CDC14B: variants seen among roughly 807,000 people sequenced by gnomAD.
The protein encoded by CDC14B is cell division cycle 14B, also known as dual specificity protein phosphatase CDC14B.
CDC14B carries 22 observed loss-of-function variants against 64.2 expected under a neutral mutation model. That is an observed-to-expected ratio of 0.34 (90% CI 0.24 to 0.49). CDC14B has a LOEUF of 0.49. Among genes scored for constraint, CDC14B ranks in the 20% least tolerant of loss-of-function variants. CDC14B has a pLI of 0.99. For synonymous variants in CDC14B, 191 were observed against 215.8 expected, an observed-to-expected ratio of 0.89 and a Z score of 1.01; for missense variants, 498 against 629.9, an observed-to-expected ratio of 0.79 and a Z score of 2.24.
intron 5 of CDC14B, among the ~76,000 whole-genome samples, chr9:96,544,883 A>C (rs1164848613): frequency 6.6e-6 from 1 of 152,108 alleles, no homozygotes; most frequent in African/African-American, 2.4e-5. Context: ...AAAGTCTTTA[A>C]CCTAAAAGGC....
chr9:96,568,127 GA>G (rs57854597), intron 1 of CDC14B, among the ~76,000 whole-genome samples: 1 of 152,138 alleles, frequency 6.6e-6, no homozygotes, highest in Non-Finnish European at 1.5e-5. Context: ...GTTTTCTATA[GA>G]AAAGTGTTAC....
At chr9:96,524,489 T>C (rs1426800026) in intron 9 of CDC14B, among the ~76,000 whole-genome samples, 1 of 152,222 alleles carries the variant, frequency 6.6e-6, no homozygotes, top group Non-Finnish European at 1.5e-5. Flanking sequence ...TAATACCCAT[T>C]TTCACTCAGA....
chr9:96,527,268 G>A lies in CDC14B; in HGVS notation c.947-3543C>T, dbSNP rs994407337. On this transcript the variant is annotated intron_variant, in intron 9 of 13. Coordinates refer to ENST00000375241, the MANE Select transcript of CDC14B (RefSeq NM_033331.4). ...CAAAAAATTAGCCGGGCGCGGTGGC[G>A]GGCGCCTGTAGTCCCAGCTACTGGG... is the stretch of plus-strand genomic sequence containing the variant. Among the ~76,000 whole-genome samples the A allele has an allele frequency of 1.1e-4, 16 of 152,116 alleles. 1 individual carries two copies. The East Asian group carries it at 2.7e-3, about 26-fold the overall frequency.
At chr9:96,616,319 C>T (rs938632983) in intron 1 of CDC14B, among the ~76,000 whole-genome samples, 3 of 150,654 alleles carry the variant, frequency 2.0e-5, no homozygotes, top group Non-Finnish European at 4.4e-5. Flanking sequence ...AGCAAGACTC[C>T]GTCTCAAAAA....
intron 1 of CDC14B, chr9:96,618,642 T>C (rs773396545): frequency 1.9e-6 from 1 of 526,316 alleles, no homozygotes; most frequent in Admixed American, 1.9e-5. Flanking sequence ...GGGGGCGCGC[T>C]AGGGGGCAGG....
intron 1 of CDC14B, among the ~76,000 whole-genome samples, chr9:96,614,084 T>G (rs1847480284): frequency 6.6e-6 from 1 of 152,188 alleles, no homozygotes; most frequent in South Asian, 2.1e-4. Context: ...TAAAATTATT[T>G]ACTATTATAA....
intron 12 of CDC14B, among the ~76,000 whole-genome samples, chr9:96,517,725 G>A (rs1280202163): frequency 4.6e-5 from 7 of 150,848 alleles, no homozygotes; most frequent in African/African-American, 1.7e-4. Flanking sequence ...GAGTGCAGTG[G>A]CGTTATCATA....
chr9:96,580,198 C>T (rs947148754), intron 1 of CDC14B, among the ~76,000 whole-genome samples: 2 of 150,628 alleles, frequency 1.3e-5, no homozygotes, highest in Non-Finnish European at 3.0e-5. Context: ...ATACTGATAG[C>T]AATCCTAGGG....
intron 5 of CDC14B, among the ~76,000 whole-genome samples, chr9:96,548,758 G>A (rs754832555): frequency 2.0e-5 from 3 of 150,850 alleles, no homozygotes; most frequent in Admixed American, 6.6e-5. Flanking sequence ...CCAAGATTGC[G>A]CCACTGAACT....
At chr9:96,614,327 G>C (rs1039163097) in intron 1 of CDC14B, among the ~76,000 whole-genome samples, 27 of 151,196 alleles carry the variant, frequency 1.8e-4, no homozygotes, top group African/African-American at 6.6e-4. Context: ...TTGCAGCCTT[G>C]AACTCCCAGG....
chr9:96,527,646 T>C (rs1170079126), intron 9 of CDC14B, among the ~76,000 whole-genome samples: 1 of 151,856 alleles, frequency 6.6e-6, no homozygotes, highest in Non-Finnish European at 1.5e-5. Context: ...GATGGAGTCT[T>C]GCTCTGTCGC....
chr9:96,497,600 G>A (rs943805520), downstream of CDC14B, among the ~76,000 whole-genome samples: 2 of 152,232 alleles, frequency 1.3e-5, no homozygotes, highest in African/African-American at 4.8e-5. Flanking sequence ...GCTCACCAGC[G>A]TCACAACAGC....
chr9:96,579,713 C>T (rs996449744), intron 1 of CDC14B, among the ~76,000 whole-genome samples: 1 of 152,132 alleles, frequency 6.6e-6, no homozygotes, highest in Admixed American at 6.6e-5. Context: ...CAGAAGCCAA[C>T]CCCGCTGGCT....
chr9:96,588,766 AC>A (rs1480300577), intron 1 of CDC14B, among the ~76,000 whole-genome samples: 1 of 152,194 alleles, frequency 6.6e-6, no homozygotes, highest in Non-Finnish European at 1.5e-5. Flanking sequence ...GAGCCATTGC[AC>A]CCAGCCAAAT....
In CDC14B at chr9:96,523,361, T is replaced by C; in HGVS notation, c.1145A>G (p.Glu382Gly). ...DYFRQKLKGQENGQHRAAFSK... is the reference protein window; with the variant it reads ...DYFRQKLKGQGNGQHRAAFSK... The stretch of plus-strand genomic sequence containing the variant: ...GAAGGCTGCTCTGTGTTGTCCATTC[T>C]CCTGCCCCTTTAACTTCTGACGAAA... Residue 382 changes from glutamate to glycine, a missense_variant, in exon 11 of 14, where the codon GAG becomes GGG. Glu to Gly is a moderately conservative substitution (Grantham distance 98). Transcript: ENST00000375241. The C allele has an allele frequency of 6.2e-7, 1 of 1,614,166 alleles. No homozygotes were observed.
chr9:96,495,617 G>T (rs926150430), downstream of CDC14B, among the ~76,000 whole-genome samples: 1 of 152,220 alleles, frequency 6.6e-6, no homozygotes, highest in South Asian at 2.1e-4. Flanking sequence ...GCTGGTGAGA[G>T]GATAGAGCTG....
intron 7 of CDC14B, among the ~76,000 whole-genome samples, chr9:96,536,750 C>T (rs1839328661): frequency 6.6e-6 from 1 of 152,188 alleles, no homozygotes; most frequent in South Asian, 2.1e-4. Context: ...GAGGAATCAT[C>T]TCCCCAGTGC....
At chr9:96,594,878 C>T (rs780772183) in intron 1 of CDC14B, among the ~76,000 whole-genome samples, 27 of 152,150 alleles carry the variant, frequency 1.8e-4, no homozygotes, top group Middle Eastern at 3.4e-3. Context: ...CTTGGCTGGG[C>T]GCGGTGGCTC....
At position 96,581,611 on chromosome 9, in the gene CDC14B, G is replaced by C. The variant is rs188929125; in HGVS notation, c.161-16128C>G. Among the ~76,000 whole-genome samples, 1,016 of 152,120 alleles carry C rather than the reference G, an allele frequency of 6.7e-3. 2 individuals are homozygous for C. Among genetic ancestry groups the C allele is most frequent in the Non-Finnish European group, 0.011 (748 of 67,996 alleles). On this transcript the variant is annotated intron_variant, in intron 1 of 13. Transcript: ENST00000375241. ...GATGGCCACTGTAAAGAGTTACAGT[G>C]GTTATCAAGGATTTGGGGGCAGGGA...
Sources: allele counts gnomAD v4.1 joint callset (sites outside exome capture counted in the v4.1 genomes callset), GRCh38; gene constraint gnomAD v4.1.1; transcripts MANE v1.5; gene names NCBI Gene and HGNC (gene_info 2026-07-23, HGNC 2026-07-21).